EFCAB8: variants seen among roughly 807,000 people sequenced by gnomAD.
EFCAB8 encodes the protein EF-hand calcium-binding domain-containing protein 8.
A neutral mutation model predicts 116.3 loss-of-function variants in EFCAB8; 100 were observed. The observed-to-expected ratio is 0.86, with a 90% CI of 0.73 to 1.02. EFCAB8 has a LOEUF of 1.02. Among genes scored for constraint, EFCAB8 ranks in the 50% least tolerant of loss-of-function variants. The pLI is 0.00. For missense variants in EFCAB8, 1,320 were observed against 1,416.9 expected, an observed-to-expected ratio of 0.93 and a Z score of 1.10; for synonymous variants, 558 against 567.9, an observed-to-expected ratio of 0.98 and a Z score of 0.25.
At chr20:32,860,218 G>A (rs1332367328) in intron 1 of EFCAB8, among the ~76,000 whole-genome samples, 9 of 152,120 alleles carry the variant, frequency 5.9e-5, no homozygotes, top group African/African-American at 2.2e-4. Flanking sequence ...TGAGGCATGA[G>A]AATCATCAGA....
intron 23 of EFCAB8, among the ~76,000 whole-genome samples, chr20:32,952,606 A>G (rs76716198): frequency 0.033 from 4,976 of 152,208 alleles, 297 homozygotes; most frequent in African/African-American, 0.11. Context: ...GTTGTTTTTA[A>G]GAAATTTGGT....
intron 14 of EFCAB8, 117 bp downstream of exon 14, chr20:32,908,529 G>C (rs772143739): frequency 9.8e-6 from 11 of 1,117,728 alleles, no homozygotes; most frequent in Admixed American, 4.2e-5. Context: ...CTGCTGAAGC[G>C]GCTAGACTCT....
rs567143373 is a variant in EFCAB8 at position 32,869,184 on chromosome 20, T to C, written c.208+1437T>C. Reference sequence around the variant, plus strand: ...ACGCAGGATTCACCAACAGAGCTGTTTGCAAGGCTCAAGCCAACAACAGGG... The same window carrying C: ...ACGCAGGATTCACCAACAGAGCTGTCTGCAAGGCTCAAGCCAACAACAGGG... On this transcript the variant is annotated intron_variant, in intron 3 of 26. Transcript: ENST00000400522. 1.1e-4 allele frequency among the ~76,000 whole-genome samples: 16 copies of C among 152,266 alleles called. No individual in the cohort carries two copies. The South Asian group carries it at 3.3e-3, about 32-fold the overall frequency.
rs1005945449 is a variant in EFCAB8, at chr20:32,906,845, A to G, written c.1159A>G (p.Thr387Ala). Residue 387 changes from threonine (T) to alanine (A), a missense_variant and splice_region_variant, in exon 13 of 27, where the codon ACT (threonine) becomes GCT (alanine). By Grantham distance (58) the Thr-to-Ala change is moderately conservative. Coordinates refer to ENST00000400522, the MANE Select transcript of EFCAB8 (RefSeq NM_001143967.2). ...DYCPDRNFLVTGGYDAFIRLW... is the reference protein window; with the variant it reads ...DYCPDRNFLVAGGYDAFIRLW... ...TGACACCCACGTCTTGACCACAGTG[A>G]CTGGTGGCTACGATGCCTTCATCCG... The G allele has an allele frequency of 2.8e-6, 4 of 1,432,274 alleles. No homozygotes were observed. In the African/African-American group the frequency reaches 5.7e-5, roughly 20 times the overall value. 88.7% of individuals were successfully genotyped at this position (1,432,274 alleles called of 1,614,324 possible). A position where few individuals can be genotyped will look rare whatever the true frequency, so the allele number is the denominator to read the frequency against.
intron 5 of EFCAB8, among the ~76,000 whole-genome samples, chr20:32,882,243 T>C (rs1055310133): frequency 1.3e-5 from 2 of 151,746 alleles, no homozygotes; most frequent in African/African-American, 4.8e-5. Context: ...TTCAGCCCAC[T>C]GAGGCTGATC....
chr20:32,866,429 A>G (rs1400147720), intron 2 of EFCAB8, among the ~76,000 whole-genome samples: 1 of 150,418 alleles, frequency 6.6e-6, no homozygotes, highest in Non-Finnish European at 1.5e-5. Context: ...TGATGGCCTG[A>G]GCTTTGGTGA....
At chr20:32,886,898 A>G (rs1985659705) in intron 6 of EFCAB8, among the ~76,000 whole-genome samples, 1 of 152,038 alleles carries the variant, frequency 6.6e-6, no homozygotes, top group South Asian at 2.1e-4. Flanking sequence ...TCCACTCAAG[A>G]GCTATGTGAT....
chr20:32,907,098 G>C, intron 13 of EFCAB8, 104 bp downstream of exon 13: 2 of 1,431,754 alleles, frequency 1.4e-6, no homozygotes, highest in South Asian at 1.5e-5. Context: ...CTGGCCAAAG[G>C]CCTAGCAGGA....
At chr20:32,899,829 C>T (rs1986345222) in intron 11 of EFCAB8, among the ~76,000 whole-genome samples, 1 of 152,186 alleles carries the variant, frequency 6.6e-6, no homozygotes, top group Non-Finnish European at 1.5e-5. Context: ...CCGCCTCGGC[C>T]TCCCAAAGTG....
intron 3 of EFCAB8, 112 bp from the exon 4 acceptor site, chr20:32,875,814 T>C: frequency 1.1e-6 from 1 of 895,210 alleles, no homozygotes; most frequent in Non-Finnish European, 1.7e-6. Context: ...TGGCCGTAGA[T>C]GTGGTCTTCA....
At chr20:32,916,628 A>G (rs866979058) in intron 17 of EFCAB8, among the ~76,000 whole-genome samples, 14 of 152,256 alleles carry the variant, frequency 9.2e-5, no homozygotes, top group African/African-American at 3.4e-4. Context: ...ATAACCTTCC[A>G]AAGGCCACAC....
In EFCAB8 at chr20:32,961,383, A is replaced by C. The variant is rs1470473084; in HGVS notation, c.3641A>C (p.Asp1214Ala). The change falls in exon 27 of 27, where the codon GAC becomes GCC. Residue 1214 changes from aspartate (D) to alanine (A), a missense_variant. By Grantham distance (126) the Asp-to-Ala change is moderately radical. Transcript: ENST00000400522. ...ACTGCCTCAGCCTCCAGGCTGCTGG[A>C]CTCCAGCTTGCCCACCTTCCTGACG... ...SVTASASRLLDSSLPTFLTPQ... is the reference protein window; with the variant it reads ...SVTASASRLLASSLPTFLTPQ... 2.7e-6 allele frequency: 4 copies of C among 1,457,100 alleles called. No homozygotes were observed. Among genetic ancestry groups the C allele is most frequent in the Admixed American group, 5.6e-5 (2 of 35,408 alleles). 90.3% of individuals were successfully genotyped at this position (1,457,100 alleles called of 1,614,324 possible).
At chr20:32,902,117 G>A (rs1001561728) in intron 11 of EFCAB8, among the ~76,000 whole-genome samples, 1 of 152,160 alleles carries the variant, frequency 6.6e-6, no homozygotes, top group Admixed American at 6.5e-5. Flanking sequence ...ATTTCTCTAA[G>A]TACCTCAGAG....
intron 9 of EFCAB8, among the ~76,000 whole-genome samples, chr20:32,893,681 A>C (rs1206895332): frequency 6.6e-6 from 1 of 151,860 alleles, no homozygotes; most frequent in Non-Finnish European, 1.5e-5. Context: ...GCGAGGAGGC[A>C]TGTGCTCTCC....
intron 22 of EFCAB8, among the ~76,000 whole-genome samples, chr20:32,933,649 C>T (rs191598381): frequency 2.8e-4 from 43 of 152,298 alleles, no homozygotes; most frequent in African/African-American, 1.0e-3. Context: ...CTCTAAGCCT[C>T]TGGTAACCAT....
intron 20 of EFCAB8, among the ~76,000 whole-genome samples, chr20:32,926,610 C>T (rs1419250455): frequency 6.7e-6 from 1 of 149,206 alleles, no homozygotes; most frequent in Non-Finnish European, 1.5e-5. Flanking sequence ...GCTGCACCCA[C>T]TAACTCGTCA....
chr20:32,945,355 C>T (rs985530032), intron 23 of EFCAB8, among the ~76,000 whole-genome samples: 15 of 152,000 alleles, frequency 9.9e-5, no homozygotes, highest in African/African-American at 2.4e-4. Context: ...CAGAGTTTCA[C>T]CATGTTGCCC....
intron 9 of EFCAB8, 64 bp downstream of exon 9, chr20:32,893,362 C>A (rs890402708): frequency 2.6e-6 from 4 of 1,539,678 alleles, no homozygotes; most frequent in African/African-American, 2.8e-5. Context: ...GTGCTGAGGT[C>A]ATCCTGGTCC....
At chr20:32,863,982 A>G in intron 2 of EFCAB8, 148 bp downstream of exon 2, 1 of 701,898 alleles carries the variant, frequency 1.4e-6, no homozygotes, top group Admixed American at 3.7e-5. Context: ...ACTTAAGTGT[A>G]TTTTTTTTTT....
Sources: allele counts gnomAD v4.1 joint callset (sites outside exome capture counted in the v4.1 genomes callset), GRCh38; gene constraint gnomAD v4.1.1; transcripts MANE v1.5; gene names NCBI Gene and HGNC (gene_info 2026-07-23, HGNC 2026-07-21).